ARHGAP17: variants seen among roughly 807,000 people sequenced by gnomAD.
ARHGAP17 encodes Rho GTPase activating protein 17, also known as rho GTPase-activating protein 17.
In ARHGAP17, 57 loss-of-function variants were observed where a neutral mutation model predicts 99.5. The observed-to-expected ratio is 0.57, with a 90% CI of 0.46 to 0.71. ARHGAP17 has a LOEUF of 0.71. Among genes scored for constraint, ARHGAP17 ranks in the 30% least tolerant of loss-of-function variants. ARHGAP17 has a pLI of 0.00. For missense variants in ARHGAP17, 1,000 were observed against 1,122.4 expected (o/e 0.89, Z 1.56); for synonymous variants, 417 against 429.6 (o/e 0.97, Z 0.36).
chr16:24,949,882 T>C (rs1252821223), intron 12 of ARHGAP17, among the ~76,000 whole-genome samples: 3 of 152,214 alleles, frequency 2.0e-5, no homozygotes, highest in Admixed American at 2.0e-4. Flanking sequence ...ATCAGGGGGC[T>C]GAGCTCCCAG....
intron 19 of ARHGAP17, chr16:24,929,754 T>C: frequency 1.5e-6 from 1 of 646,804 alleles, no homozygotes. Flanking sequence ...TAACCATTTA[T>C]AACATGTGCA....
chr16:24,931,614 C>A (rs1313049656), intron 18 of ARHGAP17, among the ~76,000 whole-genome samples: 2 of 152,056 alleles, frequency 1.3e-5, no homozygotes, highest in Admixed American at 6.6e-5. Context: ...AAATTGAAGG[C>A]CTTTCTTCAA....
At chr16:24,977,785 C>T (rs76865551) in intron 2 of ARHGAP17, among the ~76,000 whole-genome samples, 8 of 152,206 alleles carry the variant, frequency 5.3e-5, no homozygotes, top group East Asian at 1.9e-4. Context: ...AGGGGACCCA[C>T]GCATCATAAG....
At chr16:24,959,840 T>A in intron 8 of ARHGAP17, 71 bp downstream of exon 8, 1 of 1,602,280 alleles carries the variant, frequency 6.2e-7, no homozygotes, top group Non-Finnish European at 8.5e-7. Context: ...AAAAATGAAA[T>A]CTTTTGCAAA....
In ARHGAP17 at chr16:24,988,244, T is replaced by A. The variant is rs1445072413; in HGVS notation, c.54-9239A>T. ...ATTGGATTTTTAAAATAAACGACTC[T>A]CTGAAACTTTAAAAATGAAGCAATT... On this transcript the variant is annotated intron_variant, in intron 1 of 19. Transcript: ENST00000289968. Among the ~76,000 whole-genome samples the A allele has an allele frequency of 2.6e-5, 4 of 152,216 alleles. No homozygotes were observed. In the East Asian group the frequency reaches 7.7e-4, roughly 29 times the overall value.
At chr16:24,943,723 C>A (rs78302531) in intron 15 of ARHGAP17, 48 bp downstream of exon 15, 2 of 1,524,656 alleles carry the variant, frequency 1.3e-6, no homozygotes, top group Non-Finnish European at 1.8e-6. Context: ...ACTTTTTGTA[C>A]GATTATCACA....
chr16:25,010,069 T>TC (rs2053603927), intron 1 of ARHGAP17, among the ~76,000 whole-genome samples: 1 of 150,408 alleles, frequency 6.6e-6, no homozygotes, highest in Admixed American at 6.7e-5. Flanking sequence ...TCAGGTTTCT[T>TC]CCTCTTTTTT....
chr16:24,954,853 T>C (rs1319845268), intron 9 of ARHGAP17, 123 bp from the exon 10 acceptor site: 11 of 1,341,654 alleles, frequency 8.2e-6, no homozygotes, highest in Middle Eastern at 1.9e-4. Flanking sequence ...CAAGAGGGGA[T>C]ACATCTGTTC....
chr16:24,988,239 G>A (rs891743672), intron 1 of ARHGAP17, among the ~76,000 whole-genome samples: 18 of 152,220 alleles, frequency 1.2e-4, no homozygotes, highest in Non-Finnish European at 1.6e-4. Context: ...TAAAATAAAC[G>A]ACTCTCTGAA....
At chr16:24,950,836 CAAA>C (rs1177614713) in intron 12 of ARHGAP17, among the ~76,000 whole-genome samples, 11 of 39,426 alleles carry the variant, frequency 2.8e-4, no homozygotes, top group African/African-American at 9.4e-4. Flanking sequence ...GACTCCAACT[CAAA>C]AAAAAAAAAA....
intron 9 of ARHGAP17, among the ~76,000 whole-genome samples, chr16:24,958,189 T>C (rs912986691): frequency 3.9e-5 from 6 of 152,110 alleles, no homozygotes; most frequent in African/African-American, 1.4e-4. Context: ...AAAAACAGAA[T>C]GAGAGTTCTA....
rs1323018629 is a variant in ARHGAP17, at chr16:25,001,984, G to A, written c.53+13225C>T. Among the ~76,000 whole-genome samples, 4 of 152,072 alleles carry A rather than the reference G, an allele frequency of 2.6e-5. No homozygotes were observed. In the East Asian group the frequency reaches 5.8e-4, roughly 22 times the overall value. ...TAATCCCAGCTACTGGGGAGGCTGA[G>A]GCAGGAGAATTGCTTAAACCTGGGA... On this transcript the variant is annotated intron_variant, in intron 1 of 19. Transcript: ENST00000289968.
At chr16:24,971,279 T>G (rs1164997919) in intron 3 of ARHGAP17, among the ~76,000 whole-genome samples, 1 of 151,738 alleles carries the variant, frequency 6.6e-6, no homozygotes, top group Non-Finnish European at 1.5e-5. Context: ...GTAAATGCAA[T>G]GAAGTGCTCA....
intron 1 of ARHGAP17, among the ~76,000 whole-genome samples, chr16:24,982,996 ATTTTTTTT>A (rs1193522045): frequency 9.1e-3 from 426 of 46,670 alleles, no homozygotes; most frequent in Non-Finnish European, 0.011. Flanking sequence ...ATATATATAT[ATTTTTTTT>A]TTTTTTTTTT....
intron 6 of ARHGAP17, among the ~76,000 whole-genome samples, chr16:24,966,543 G>A (rs2052185401): frequency 6.6e-6 from 1 of 152,056 alleles, no homozygotes; most frequent in Admixed American, 6.6e-5. Context: ...TGAGACAGGA[G>A]TATCGCTTGA....
In ARHGAP17 at chr16:24,926,065, G is replaced by A. The variant is rs553573700; in HGVS notation, c.2515+4719C>T. The stretch of plus-strand genomic sequence containing the variant: ...GCGGAGCTTGCAGTGAGCCAAGATC[G>A]TGCCACTGCACTCCAGCCTGGGGAA... On this transcript the variant is annotated intron_variant, in intron 19 of 19. Transcript: ENST00000289968. Among the ~76,000 whole-genome samples the A allele has an allele frequency of 6.9e-4, 103 of 148,500 alleles. 1 individual carries two copies. Among genetic ancestry groups the A allele is most frequent in the African/African-American group, 2.3e-3 (90 of 39,692 alleles).
intron 1 of ARHGAP17, among the ~76,000 whole-genome samples, chr16:25,005,864 A>G (rs1164153353): frequency 6.6e-6 from 1 of 152,240 alleles, no homozygotes; most frequent in Admixed American, 6.5e-5. Flanking sequence ...ATAATGACAC[A>G]CATTATTGCG....
intron 18 of ARHGAP17, 71 bp from the exon 19 acceptor site, chr16:24,931,475 A>C: frequency 7.0e-7 from 1 of 1,420,144 alleles, no homozygotes; most frequent in East Asian, 2.4e-5. Context: ...CCAGGAGCCC[A>C]AATTTAACAT....
In ARHGAP17 at chr16:24,952,327, C is replaced by A; in HGVS notation, c.1008G>T (p.Met336Ile). The A allele has an allele frequency of 6.2e-7, 1 of 1,613,272 alleles. No homozygotes were observed. The highest frequency in any genetic ancestry group is 1.1e-5 in the South Asian group (1 of 90,970). The stretch of plus-strand genomic sequence containing the variant: ...TCCATTCTTCATACAGATTAAAAGT[C>A]ATCAAAGGTTCAGGCAATTCCCGTA... ...SYLRELPEPL[M>I]TFNLYEEWTQ... Residue 336 changes from methionine (M) to isoleucine (I), a missense_variant, in exon 12 of 20, where the codon ATG becomes ATT. Met to Ile is a conservative substitution (Grantham distance 10). This residue lies in a region of ARHGAP17 where 472 missense variants were observed against 611.1 expected (regional missense o/e 0.77). Coordinates refer to ENST00000289968, the MANE Select transcript of ARHGAP17 (RefSeq NM_001006634.3).
Sources: gnomAD v4.1 joint callset for allele counts (sites outside exome capture counted in the v4.1 genomes callset) on GRCh38, gnomAD v4.1.1 for gene constraint, gnomAD v4.1.1 regional missense constraint, MANE v1.5 for transcripts, NCBI Gene and HGNC (gene_info 2026-07-23, HGNC 2026-07-21) for gene names.